UBR4: variants seen among roughly 807,000 people sequenced by gnomAD.
UBR4 encodes the protein ubiquitin protein ligase E3 component n-recognin 4, also known as E3 ubiquitin-protein ligase UBR4.
A neutral mutation model predicts 575.6 loss-of-function variants in UBR4; 124 were observed. The observed-to-expected ratio is 0.22, with a 90% CI of 0.19 to 0.25. The LOEUF is 0.25. UBR4 is among the 10% of genes least tolerant of loss of function. The pLI, the probability that UBR4 is intolerant of heterozygous loss-of-function variation, is 1.00. For synonymous variants in UBR4, 2,455 were observed against 2,473.7 expected, an observed-to-expected ratio of 0.99 and a Z score of 0.22; for missense variants, 4,818 against 6,478.8, an observed-to-expected ratio of 0.74 and a Z score of 8.80.
In UBR4 at chr1:19,100,347, C is replaced by G. The variant is rs199588130; in HGVS notation, c.13221+29G>C. On this transcript the variant is annotated intron_variant, in intron 89 of 105. Coordinates refer to ENST00000375254, the MANE Select transcript of UBR4 (RefSeq NM_020765.3). This position sits in a 1 kb window ranked among gnomAD's most constrained non-coding sequence, Gnocchi z 4.2. Reference sequence around the variant, plus strand: ...CTAGGAGGAAGCCCCTAATCGTAAACGTGGGCAGCACTGTCCTATGGTCAT... The same window carrying G: ...CTAGGAGGAAGCCCCTAATCGTAAAGGTGGGCAGCACTGTCCTATGGTCAT... 6.2e-7 allele frequency: 1 copy of G among 1,612,304 alleles called. No homozygotes were observed. The highest frequency in any genetic ancestry group is 1.3e-5 in the African/African-American group (1 of 74,874).
At chr1:19,107,228 T>C (rs78220224) in intron 81 of UBR4, among the ~76,000 whole-genome samples, 2,897 of 152,248 alleles carry the variant, frequency 0.019, 90 homozygotes, top group East Asian at 0.082. Context: ...TACAATCCTA[T>C]AGCACTTACA....
chr1:19,110,003 A>G lies in UBR4; in HGVS notation c.12105+93T>C. 2 of 1,576,496 alleles carry G rather than the reference A, an allele frequency of 1.3e-6. No homozygotes were observed. Among genetic ancestry groups the G allele is most frequent in the Non-Finnish European group, 1.7e-6 (2 of 1,158,132 alleles). The stretch of plus-strand genomic sequence containing the variant: ...CTCAGGGGAGGTGGGCTCAAGGCAA[A>G]GCGGAGACCATGAGGAGGCAGGGCA... On this transcript the variant is annotated intron_variant, in intron 81 of 105. Transcript: ENST00000375254. The surrounding 1 kb of genome is among the most constrained non-coding windows in gnomAD (Gnocchi z 4.5).
In UBR4 at chr1:19,169,529, G is replaced by A. The variant is rs140472182; in HGVS notation, c.3647C>T (p.Pro1216Leu). The change falls in exon 27 of 106, where the codon CCG becomes CTG. Residue 1216 changes from proline to leucine, a missense_variant. Transcript: ENST00000375254. ...CGATGGCAAATTCTGAACCAGTGTC[G>A]GACCTGGAGGCGACAGAAAGGACAA... ...SSRCKANTLG[P>L]TLVQNLPSSV... The A allele has an allele frequency of 2.4e-5, 39 of 1,612,534 alleles. No homozygotes were observed. Among genetic ancestry groups the A allele is most frequent in the East Asian group, 4.5e-5 (2 of 44,828 alleles).
In UBR4 at chr1:19,153,315, T is replaced by G. The variant is rs2085998098; in HGVS notation, c.6818A>C (p.Lys2273Thr). The change falls in exon 46 of 106, where the codon AAA becomes ACA. Residue 2273 changes from lysine to threonine, a missense_variant. Lys to Thr is a moderately conservative substitution (Grantham distance 78). This residue lies in a region of UBR4 where 461 missense variants were observed against 606.9 expected (regional missense o/e 0.76). Coordinates refer to ENST00000375254, the MANE Select transcript of UBR4 (RefSeq NM_020765.3). The surrounding 1 kb of genome is among the most constrained non-coding windows in gnomAD (Gnocchi z 4.1). Reference protein sequence around the residue: ...ISIMKPVRKRKTATITTRTSS... With the variant: ...ISIMKPVRKRTTATITTRTSS... ...AGGAGCCTTACTGATTGTAGCTGTT[T>G]TGCGCTTTCGAACAGGCTTCATGAT... The G allele has an allele frequency of 6.2e-7, 1 of 1,614,184 alleles. No individual in the cohort carries two copies.
chr1:19,087,672 C>CAGCTG (rs2077150103), intron 99 of UBR4, 144 bp downstream of exon 99: 1 of 612,146 alleles, frequency 1.6e-6, no homozygotes, highest in South Asian at 2.0e-5. Flanking sequence ...CTAAAGAGGA[C>CAGCTG]AGCTGGTCCT....
At chr1:19,173,752 GCCC>G in intron 22 of UBR4, 131 bp from the exon 23 acceptor site, 1 of 877,892 alleles carries the variant, frequency 1.1e-6, no homozygotes, top group East Asian at 2.7e-5. Context: ...TTGAGATTTG[GCCC>G]CCAAGTCCAT....
At chr1:19,096,735 T>C in intron 91 of UBR4, 85 bp from the exon 92 acceptor site, 2 of 1,530,400 alleles carry the variant, frequency 1.3e-6, no homozygotes, top group Non-Finnish European at 1.8e-6. Flanking sequence ...GCCCTATTCC[T>C]GGCTGATGGC....
chr1:19,207,108 A>T (rs1363716891), intron 1 of UBR4, among the ~76,000 whole-genome samples: 1 of 152,228 alleles, frequency 6.6e-6, no homozygotes, highest in Non-Finnish European at 1.5e-5. Flanking sequence ...GGTGACAAGG[A>T]AGAAAAACAT....
chr1:19,104,252 G>A lies in UBR4; in HGVS notation c.12733C>T (p.Leu4245Phe). The A allele has an allele frequency of 1.2e-6, 2 of 1,614,226 alleles. No homozygotes were observed. The highest frequency in any genetic ancestry group is 1.7e-6 in the Non-Finnish European group (2 of 1,180,020). Residue 4245 changes from leucine (L) to phenylalanine (F), a missense_variant, in exon 87 of 106, where the codon CTC (leucine) becomes TTC (phenylalanine). Around this residue, in one of 29 missense-constraint regions of UBR4, gnomAD observed 105 missense variants for 232.8 expected, o/e 0.45. Coordinates refer to ENST00000375254, the MANE Select transcript of UBR4 (RefSeq NM_020765.3). The stretch of plus-strand genomic sequence containing the variant: ...GATTCCACCTCAACAAAGGAGGAGA[G>A]AAGGCCTGTGGAGACAGGAAAATGT... ...GYALKSLTGL[L>F]SSFVEVESIK...
intron 75 of UBR4, among the ~76,000 whole-genome samples, chr1:19,114,467 A>T (rs1205686112): frequency 6.6e-6 from 1 of 152,124 alleles, no homozygotes; most frequent in Non-Finnish European, 1.5e-5. Flanking sequence ...CAGGCTGGGA[A>T]CTAGCACTGG....
At position 19,148,614 on chromosome 1, in the gene UBR4, A is replaced by G; in HGVS notation, c.7443T>C (p.Ser2481=). 2 of 1,614,116 alleles carry G rather than the reference A, an allele frequency of 1.2e-6. 1 individual carries two copies. Among genetic ancestry groups the G allele is most frequent in the South Asian group, 2.2e-5 (2 of 91,072 alleles). The change falls in exon 50 of 106, where the codon AGT becomes AGC. Residue 2481 remains serine (S), a synonymous_variant. Transcript: ENST00000375254. ...SGTVLERLVV[S]SLEALESCFA... ...AGCAGCTTTCCAGGGCTTCTAAAGA[A>G]CTCACAACCAGCCTGGGGAGACAGA...
Position 19,106,573 on chromosome 1 carries a change from C to G in UBR4, c.12389G>C (p.Arg4130Pro). 6.4e-7 allele frequency: 1 copy of G among 1,560,750 alleles called. No homozygotes were observed. Among genetic ancestry groups the G allele is most frequent in the Non-Finnish European group, 8.7e-7 (1 of 1,155,266 alleles). Residue 4130 changes from arginine (R) to proline (P), a missense_variant, in exon 83 of 106, where the codon CGA (arginine) becomes CCA (proline). This residue lies in a region of UBR4 where 178 missense variants were observed against 175.5 expected (regional missense o/e 1.01). Coordinates refer to ENST00000375254, the MANE Select transcript of UBR4 (RefSeq NM_020765.3). Reference sequence around the variant, plus strand: ...AGTCCAGAAGTGGCCACTCACTTGTCGCAGCCAGTTGTTATGCCCCAGTTT... The same window carrying G: ...AGTCCAGAAGTGGCCACTCACTTGTGGCAGCCAGTTGTTATGCCCCAGTTT... ...DLKLGHNNWL[R>P]QVLFTPATQA... is the part of the protein sequence containing the mutation.
In UBR4 at chr1:19,179,064, T is replaced by C; in HGVS notation, c.2341A>G (p.Lys781Glu). ...CAGACATCTTACCTGTCCCAAACTT[T>C]AAGGCATTCTGGGACGTCAGGGTCA... ...QGDPDVPECL[K>E]VWDRFLSTMK... The change falls in exon 18 of 106, where the codon AAA (lysine) becomes GAA (glutamate). Residue 781 changes from lysine to glutamate, a missense_variant. Lys to Glu is a moderately conservative substitution (Grantham distance 56). This residue lies in a region of UBR4 where 1,172 missense variants were observed against 1,259.7 expected (regional missense o/e 0.93). Coordinates refer to ENST00000375254, the MANE Select transcript of UBR4 (RefSeq NM_020765.3). 2 of 1,613,302 alleles carry C rather than the reference T, an allele frequency of 1.2e-6. No homozygotes were observed. The highest frequency in any genetic ancestry group is 2.2e-5 in the East Asian group (1 of 44,878).
At chr1:19,209,578 G>T (rs1280519173) in intron 1 of UBR4, among the ~76,000 whole-genome samples, 1 of 152,228 alleles carries the variant, frequency 6.6e-6, no homozygotes, top group Non-Finnish European at 1.5e-5. Flanking sequence ...TGCACAAGGA[G>T]TGCAACGTAA....
At chr1:19,160,796 T>C (rs1195801661) in intron 38 of UBR4, 121 bp downstream of exon 38, 8 of 955,036 alleles carry the variant, frequency 8.4e-6, no homozygotes, top group Non-Finnish European at 1.3e-5. Flanking sequence ...GCATTCACAC[T>C]ATGAAAATGG....
chr1:19,190,312 A>AAAAAAAAAAAAAAATATATATAT, intron 11 of UBR4, among the ~76,000 whole-genome samples: 4 of 79,910 alleles, frequency 5.0e-5, no homozygotes, highest in Admixed American at 1.8e-4. Context: ...AAAAAAAAAA[A>AAAAAAAAAAAAAAATATATATAT]ATATATATAT....
intron 1 of UBR4, among the ~76,000 whole-genome samples, chr1:19,206,256 GAGCCC>G (rs1209891458): frequency 6.6e-6 from 1 of 152,136 alleles, no homozygotes; most frequent in African/African-American, 2.4e-5. Flanking sequence ...AGCATCCCTT[GAGCCC>G]AGGAGTTTGA....
chr1:19,091,284 C>T (rs2077489002), intron 97 of UBR4, among the ~76,000 whole-genome samples: 1 of 152,120 alleles, frequency 6.6e-6, no homozygotes, highest in Non-Finnish European at 1.5e-5. Flanking sequence ...CAAATATATA[C>T]AATTATGACT....
intron 1 of UBR4, among the ~76,000 whole-genome samples, chr1:19,206,481 C>T (rs755628810): frequency 2.4e-4 from 37 of 152,002 alleles, no homozygotes; most frequent in Non-Finnish European, 4.0e-4. Context: ...ATTACAGGCG[C>T]GCGCCACCAC....
Sources: gnomAD v4.1 joint callset for allele counts (sites outside exome capture counted in the v4.1 genomes callset) on GRCh38, gnomAD v4.1.1 for gene constraint, gnomAD v4.1.1 regional missense constraint, Gnocchi (gnomAD v3.1) non-coding constraint, MANE v1.5 for transcripts, NCBI Gene and HGNC (gene_info 2026-07-23, HGNC 2026-07-21) for gene names.